Variants in ZNF606 observed in about 807,000 individuals in gnomAD.
The protein encoded by ZNF606 is zinc finger protein 328.
Under a neutral mutation model 74.9 loss-of-function variants are expected in ZNF606, and 37 were observed. The ratio of observed to expected loss-of-function variants is 0.49; its 90% CI spans 0.38 to 0.65. The LOEUF is 0.65. ZNF606 is among the 30% of genes least tolerant of loss of function. ZNF606 has a pLI of 0.00. For missense variants in ZNF606, 852 were observed against 952.9 expected (o/e 0.89, Z 1.39); for synonymous variants, 328 against 312.4 (o/e 1.05, Z -0.53).
chr19:57,987,696 C>T (rs562192907), intron 6 of ZNF606, among the ~76,000 whole-genome samples: 3 of 151,964 alleles, frequency 2.0e-5, no homozygotes, highest in South Asian at 2.1e-4. Context: ...GGCATGGTGG[C>T]GGGTGCCTGT....
chr19:57,979,907 T>A lies in ZNF606; in HGVS notation c.773A>T (p.Lys258Met). The A allele has an allele frequency of 2.5e-6, 4 of 1,613,972 alleles. No homozygotes were observed. Among genetic ancestry groups the A allele is most frequent in the Non-Finnish European group, 3.4e-6 (4 of 1,180,012 alleles). ...ATAATCATTATTTTCACAGGTAACCTTATCTGCATACATTATGGCTGAGTC... is the reference window on the plus strand; with the variant it reads ...ATAATCATTATTTTCACAGGTAACCATATCTGCATACATTATGGCTGAGTC... The part of the protein sequence containing the change: ...RCDSAIMYAD[K>M]VTCENNDYDK... Residue 258 changes from lysine to methionine, a missense_variant, in exon 7 of 7, where the codon AAG (lysine) becomes ATG (methionine). Lys to Met is a moderately conservative substitution (Grantham distance 95). Transcript: ENST00000551380.
chr19:57,979,200 T>A lies in ZNF606; in HGVS notation c.1480A>T (p.Asn494Tyr). The change falls in exon 7 of 7, where the codon AAC becomes TAC. Residue 494 changes from asparagine (N) to tyrosine (Y), a missense_variant. Asn to Tyr is a moderately radical substitution (Grantham distance 143). Around this residue, in one of 3 missense-constraint regions of ZNF606, gnomAD observed 243 missense variants for 359.2 expected, o/e 0.68. Coordinates refer to ENST00000551380, the MANE Select transcript of ZNF606 (RefSeq NM_001348022.3). The stretch of plus-strand genomic sequence containing the variant: ...TGTCCAATAAGATGAGAGTTCCAGT[T>A]GAAAGATTTCCCACACTCATTACAA... ...YVCNECGKSF[N>Y]WNSHLIGHQR... 1 of 1,613,828 alleles carries A rather than the reference T, an allele frequency of 6.2e-7. No individual in the cohort carries two copies. Among genetic ancestry groups the A allele is most frequent in the Non-Finnish European group, 8.5e-7 (1 of 1,179,918 alleles).
intron 6 of ZNF606, among the ~76,000 whole-genome samples, chr19:57,987,942 TG>T (rs2073189088): frequency 6.6e-6 from 1 of 152,084 alleles, no homozygotes; most frequent in Non-Finnish European, 1.5e-5. Context: ...AGTAGCTACA[TG>T]GATAAGAGGT....
intron 6 of ZNF606, among the ~76,000 whole-genome samples, chr19:57,987,754 G>A (rs2073186254): frequency 6.6e-6 from 1 of 152,042 alleles, no homozygotes; most frequent in Non-Finnish European, 1.5e-5. Context: ...CTTGAACCCG[G>A]GAGGCAGAGG....
rs2073421777 is a variant in ZNF606 at position 58,001,172 on chromosome 19, C to T, written c.31+117G>A. On this transcript the variant is annotated intron_variant, in intron 2 of 6. Coordinates refer to ENST00000551380, the MANE Select transcript of ZNF606 (RefSeq NM_001348022.3). ...ACCACCAATCAGTTCTAATTTTGTA[C>T]CAAGATAGACAGACCCCCTTCCATC... is the stretch of plus-strand genomic sequence containing the variant. 8.1e-6 allele frequency: 10 copies of T among 1,235,452 alleles called. No individual in the cohort carries two copies. The South Asian group carries it at 1.3e-4, about 17-fold the overall frequency. 76.5% of individuals were successfully genotyped at this position (1,235,452 alleles called of 1,614,324 possible).
intron 4 of ZNF606, among the ~76,000 whole-genome samples, chr19:57,990,051 C>CA (rs1159494660): frequency 0.29 from 3,992 of 13,818 alleles, 1,433 homozygotes; most frequent in Non-Finnish European, 0.38. Context: ...GACTCCATCT[C>CA]AAAAAAAAAA....
chr19:57,990,539 CAAAAAAAAAAAA>C (rs1028844010), intron 4 of ZNF606, among the ~76,000 whole-genome samples: 3 of 51,932 alleles, frequency 5.8e-5, no homozygotes, highest in African/African-American at 1.8e-4. Flanking sequence ...AACCCAGTCT[CAAAAAAAAAAAA>C]AAAAAAAAAA....
At chr19:58,000,660 A>G in intron 3 of ZNF606, 23 bp downstream of exon 3, 1 of 1,613,834 alleles carries the variant, frequency 6.2e-7, no homozygotes, top group Non-Finnish European at 8.5e-7. Context: ...GGCAGCCCAC[A>G]GCTGACCAGG....
intron 4 of ZNF606, chr19:57,999,543 T>C: frequency 2.0e-6 from 1 of 506,314 alleles, no homozygotes; most frequent in Non-Finnish European, 3.5e-6. Context: ...GAAGTGGGGC[T>C]GCCAGCCAAA....
Position 57,979,943 on chromosome 19 carries a change from C to A in ZNF606, c.737G>T (p.Ser246Ile). Residue 246 changes from serine to isoleucine, a missense_variant, in exon 7 of 7, where the codon AGT (serine) becomes ATT (isoleucine). This residue lies in a region of ZNF606 where 545 missense variants were observed against 542.5 expected (regional missense o/e 1.00). Transcript: ENST00000551380. ...CATTATGGCTGAGTCACATCTCCAA[C>A]TTTGAGCATGTGTATCAGGCTTATA... ...HFYKPDTHAQ[S>I]WRCDSAIMYA... The A allele has an allele frequency of 6.2e-7, 1 of 1,613,986 alleles. No homozygotes were observed. The highest frequency in any genetic ancestry group is 8.5e-7 in the Non-Finnish European group (1 of 1,180,026).
At chr19:58,003,323 C>T (rs1023223014), upstream of ZNF606, 3 of 456,388 alleles carry the variant, frequency 6.6e-6, no homozygotes, top group African/African-American at 4.0e-5. Context: ...CATGGGTTAC[C>T]AGCGACGCAC....
intron 6 of ZNF606, among the ~76,000 whole-genome samples, chr19:57,981,113 C>T (rs761794033): frequency 2.0e-5 from 3 of 152,174 alleles, no homozygotes; most frequent in East Asian, 1.9e-4. Flanking sequence ...CAGTGAGTCA[C>T]GCAGGCACTG....
chr19:57,983,915 G>A (rs1280295976), intron 6 of ZNF606, among the ~76,000 whole-genome samples: 1 of 152,182 alleles, frequency 6.6e-6, no homozygotes, highest in Non-Finnish European at 1.5e-5. Flanking sequence ...TTGTTACAAG[G>A]CAATTAGAAT....
chr19:57,984,016 G>C (rs1211346605), intron 6 of ZNF606, among the ~76,000 whole-genome samples: 2 of 152,198 alleles, frequency 1.3e-5, no homozygotes, highest in African/African-American at 4.8e-5. Context: ...TAACAAGTGA[G>C]AATTTCCTCA....
chr19:57,997,067 AG>A (rs749090478), intron 4 of ZNF606, among the ~76,000 whole-genome samples: 30 of 152,340 alleles, frequency 2.0e-4, no homozygotes, highest in Admixed American at 6.5e-4. Context: ...CTTCTGTGGT[AG>A]ATTTCATTGC....
At chr19:57,986,006 G>A (rs550656807) in intron 6 of ZNF606, among the ~76,000 whole-genome samples, 3 of 151,920 alleles carry the variant, frequency 2.0e-5, no homozygotes, top group Non-Finnish European at 4.4e-5. Flanking sequence ...AATTCATCAC[G>A]TACAAGGGAT....
At chr19:57,986,901 T>G (rs2073171509) in intron 6 of ZNF606, among the ~76,000 whole-genome samples, 1 of 152,142 alleles carries the variant, frequency 6.6e-6, no homozygotes, top group African/African-American at 2.4e-5. Context: ...CTGGGCAATA[T>G]AGTGAGACCT....
In ZNF606 at chr19:57,979,851, T is replaced by C. The variant is rs771259761; in HGVS notation, c.829A>G (p.Ile277Val). Residue 277 changes from isoleucine (I) to valine (V), a missense_variant, in exon 7 of 7, where the codon ATT (isoleucine) becomes GTT (valine). Ile to Val is a conservative substitution (Grantham distance 29, BLOSUM62 3). Transcript: ENST00000551380. ...DKTVYQSIQPIYPARIQTGDN... is the reference protein window; with the variant it reads ...DKTVYQSIQPVYPARIQTGDN... ...CCAGTTTGTATTCTTGCAGGGTAAATAGGTTGAATGGACTGATAAACAGTT... is the reference window on the plus strand; with the variant it reads ...CCAGTTTGTATTCTTGCAGGGTAAACAGGTTGAATGGACTGATAAACAGTT... 9 of 1,613,520 alleles carry C rather than the reference T, an allele frequency of 5.6e-6. No homozygotes were observed. Among genetic ancestry groups the C allele is most frequent in the African/African-American group, 2.7e-5 (2 of 74,908 alleles).
intron 6 of ZNF606, among the ~76,000 whole-genome samples, chr19:57,985,213 G>A (rs948876222): frequency 2.0e-5 from 3 of 152,180 alleles, no homozygotes; most frequent in African/African-American, 7.2e-5. Context: ...AGAACAGTAA[G>A]CTATATGGTG....
Sources: gnomAD v4.1 joint callset for allele counts (sites outside exome capture counted in the v4.1 genomes callset) on GRCh38, gnomAD v4.1.1 for gene constraint, gnomAD v4.1.1 regional missense constraint, MANE v1.5 for transcripts, NCBI Gene and HGNC (gene_info 2026-07-23, HGNC 2026-07-21) for gene names.